CSMD3: variants seen among roughly 807,000 people sequenced by gnomAD.
CSMD3 encodes CUB and Sushi multiple domains 3, also known as CUB and sushi domain-containing protein 3.
CSMD3 carries 177 observed loss-of-function variants against 435.2 expected under a neutral mutation model. The observed-to-expected ratio is 0.41, with a 90% CI of 0.36 to 0.46. The LOEUF (loss-of-function observed/expected upper bound fraction) is 0.46, where lower values mean the gene tolerates loss of function less well. CSMD3 is among the 20% of genes least tolerant of loss of function. CSMD3 has a pLI of 0.34. For synonymous variants in CSMD3, 1,656 were observed against 1,520.5 expected (o/e 1.09, Z -2.07); for missense variants, 4,265 against 4,504.6 (o/e 0.95, Z 1.52).
At chr8:112,234,152 C>CCA (rs149376663) in intron 68 of CSMD3, among the ~76,000 whole-genome samples, 4,209 of 149,042 alleles carry the variant, frequency 0.028, 203 homozygotes, top group African/African-American at 0.097. Context: ...CACCCCACCA[C>CCA]CACACACACA....
At chr8:113,163,608 GC>G (rs1446859958) in intron 4 of CSMD3, among the ~76,000 whole-genome samples, 3 of 151,914 alleles carry the variant, frequency 2.0e-5, no homozygotes, top group African/African-American at 4.8e-5. Flanking sequence ...TAATATTAAT[GC>G]AAAAACATTA....
intron 3 of CSMD3, among the ~76,000 whole-genome samples, chr8:113,188,230 C>T (rs1277386863): frequency 6.6e-6 from 1 of 151,884 alleles, no homozygotes; most frequent in Non-Finnish European, 1.5e-5. Context: ...TTTGTAAATG[C>T]TCTGTCTATT....
intron 5 of CSMD3, among the ~76,000 whole-genome samples, chr8:113,052,176 T>C (rs571655851): frequency 6.6e-6 from 1 of 152,332 alleles, no homozygotes; most frequent in Admixed American, 6.5e-5. Context: ...TGGCTTTTCC[T>C]CATCAATAAA....
chr8:112,650,493 A>G lies in CSMD3; in HGVS notation c.3005-144T>C, dbSNP rs1214409500. On this transcript the variant is annotated intron_variant, in intron 18 of 70. Coordinates refer to ENST00000297405, the MANE Select transcript of CSMD3 (RefSeq NM_198123.2). Reference sequence around the variant, plus strand: ...ACTTCATTTTTAAAATCAGCAATTTATTTAATAAATTTGTTTTCTCATTTC... The same window carrying G: ...ACTTCATTTTTAAAATCAGCAATTTGTTTAATAAATTTGTTTTCTCATTTC... 20 of 719,450 alleles carry G rather than the reference A, an allele frequency of 2.8e-5. No homozygotes were observed. The East Asian group carries it at 4.9e-4, about 18-fold the overall frequency. The allele number at this position is 719,450 out of a possible 1,614,324, so 44.6% of individuals were successfully genotyped here.
intron 7 of CSMD3, among the ~76,000 whole-genome samples, chr8:112,974,105 G>A (rs1158185783): frequency 6.6e-6 from 1 of 151,886 alleles, no homozygotes; most frequent in Non-Finnish European, 1.5e-5. Context: ...AATGGAGAAA[G>A]TTTGAGCACT....
intron 1 of CSMD3, among the ~76,000 whole-genome samples, chr8:113,406,248 C>G (rs1364230044): frequency 6.6e-6 from 1 of 151,728 alleles, no homozygotes; most frequent in Non-Finnish European, 1.5e-5. Flanking sequence ...ATAAAATGTG[C>G]ACTTTTGAAG....
chr8:112,268,461 C>T (rs1460106876), intron 59 of CSMD3, among the ~76,000 whole-genome samples: 1 of 152,168 alleles, frequency 6.6e-6, no homozygotes, highest in African/African-American at 2.4e-5. Context: ...ACTTCTTATA[C>T]AAGCATTGTA....
chr8:112,550,018 T>C (rs1190848309), intron 27 of CSMD3, among the ~76,000 whole-genome samples: 3 of 152,058 alleles, frequency 2.0e-5, no homozygotes, highest in African/African-American at 7.2e-5. Flanking sequence ...TTAAACATTT[T>C]AAGTTTTTAT....
At chr8:112,509,998 T>C (rs951689529) in intron 28 of CSMD3, among the ~76,000 whole-genome samples, 5 of 152,118 alleles carry the variant, frequency 3.3e-5, no homozygotes, top group African/African-American at 1.2e-4. Context: ...TCCTAAATTG[T>C]TAGATGAGCA....
rs201667358 is a variant in CSMD3, at chr8:112,406,718, C to G, written c.5615G>C (p.Arg1872Thr). ...AGAACTGCATTGTGTAGAACTTGTT[C>G]TAGGAACAGCTGTGTAGAAATATTA... is the stretch of plus-strand genomic sequence containing the variant. ...GFHFVYQAVP[R>T]TSSTQCSSVP... The change falls in exon 35 of 71, where the codon AGA becomes ACA. Residue 1872 changes from arginine (R) to threonine (T), a missense_variant. By Grantham distance (71) the Arg-to-Thr change is moderately conservative. Transcript: ENST00000297405. 1.6e-5 allele frequency: 26 copies of G among 1,590,026 alleles called. No individual in the cohort carries two copies. In the East Asian group the frequency reaches 5.8e-4, roughly 36 times the overall value.
In CSMD3 at chr8:112,637,427, A is replaced by G. The variant is rs186833390; in HGVS notation, c.3527-422T>C. 9.1e-4 allele frequency among the ~76,000 whole-genome samples: 138 copies of G among 152,236 alleles called. 1 individual carries two copies. The East Asian group carries it at 0.02, about 22-fold the overall frequency. ...CTTTTGCTTAATATTTTACATTTAA[A>G]TGATAAAGGCCCTTCTGCTTCTTGT... On this transcript the variant is annotated intron_variant, in intron 21 of 70. Transcript: ENST00000297405.
At chr8:113,216,279 T>C (rs984360626) in intron 3 of CSMD3, among the ~76,000 whole-genome samples, 11 of 151,950 alleles carry the variant, frequency 7.2e-5, no homozygotes, top group Non-Finnish European at 1.6e-4. Flanking sequence ...AAGCCATCTA[T>C]CTGTTATGTA....
At chr8:112,657,902 A>T (rs955793045) in intron 17 of CSMD3, among the ~76,000 whole-genome samples, 13 of 152,160 alleles carry the variant, frequency 8.5e-5, no homozygotes, top group African/African-American at 2.9e-4. Context: ...TACTTTTTAG[A>T]CAACTGTCTT....
intron 1 of CSMD3, among the ~76,000 whole-genome samples, chr8:113,379,114 A>C (rs1042314462): frequency 6.6e-6 from 1 of 152,158 alleles, no homozygotes; most frequent in Admixed American, 6.6e-5. Flanking sequence ...TGGGTTAATG[A>C]AAAGGGGTCT....
intron 3 of CSMD3, among the ~76,000 whole-genome samples, chr8:113,183,610 C>T (rs1327999907): frequency 1.3e-5 from 2 of 151,910 alleles, no homozygotes; most frequent in Admixed American, 6.6e-5. Flanking sequence ...TATACAGAAG[C>T]AGTTGGTTTC....
At chr8:112,538,560 A>G (rs762102468) in intron 27 of CSMD3, among the ~76,000 whole-genome samples, 8 of 152,084 alleles carry the variant, frequency 5.3e-5, no homozygotes, top group Non-Finnish European at 1.0e-4. Flanking sequence ...CGAATAACAA[A>G]CCATCTGAAA....
chr8:113,098,915 G>C lies in CSMD3; in HGVS notation c.758C>G (p.Ser253Cys), dbSNP rs2090246147. ...GTACTCATTAGGAAAACTAGGGCTG[G>C]ATATGATGCCACTGGATCCTCTCAT... ...GTMRGSSGII[S>C]SPSFPNEYHN... Residue 253 changes from serine to cysteine, a missense_variant, in exon 5 of 71, where the codon TCC becomes TGC. Around this residue, in one of 3 missense-constraint regions of CSMD3, gnomAD observed 731 missense variants for 755.4 expected, o/e 0.97. Coordinates refer to ENST00000297405, the MANE Select transcript of CSMD3 (RefSeq NM_198123.2). 1 of 1,612,422 alleles carries C rather than the reference G, an allele frequency of 6.2e-7. No homozygotes were observed. The highest frequency in any genetic ancestry group is 1.1e-5 in the South Asian group (1 of 91,048).
At chr8:113,045,902 G>A (rs2131305385) in intron 5 of CSMD3, among the ~76,000 whole-genome samples, 1 of 149,390 alleles carries the variant, frequency 6.7e-6, no homozygotes, top group East Asian at 1.9e-4. Context: ...CATAAGACAA[G>A]TTGTATATAT....
chr8:112,283,579 C>T (rs142667177), intron 58 of CSMD3, among the ~76,000 whole-genome samples: 1 of 151,354 alleles, frequency 6.6e-6, no homozygotes, highest in Non-Finnish European at 1.5e-5. Context: ...TATTAATTTA[C>T]TCTTTTTTAT....
Sources: gnomAD v4.1 joint callset for allele counts (sites outside exome capture counted in the v4.1 genomes callset) on GRCh38, gnomAD v4.1.1 for gene constraint, gnomAD v4.1.1 regional missense constraint, MANE v1.5 for transcripts, NCBI Gene and HGNC (gene_info 2026-07-23, HGNC 2026-07-21) for gene names.